The following EYA1 variants were observed in gnomAD, a reference collection of about 807,000 sequenced individuals.
EYA1 encodes protein phosphatase EYA1.
EYA1 carries 16 observed loss-of-function variants against 82.0 expected under a neutral mutation model. The observed-to-expected ratio is 0.20, with a 90% CI of 0.13 to 0.30. The LOEUF is 0.30. Among genes scored for constraint, EYA1 ranks in the 10% least tolerant of loss-of-function variants. The pLI is 1.00. For missense variants in EYA1, 633 were observed against 730.7 expected (o/e 0.87, Z 1.54); for synonymous variants, 261 against 264.4 (o/e 0.99, Z 0.12).
chr8:71,443,345 G>A (rs983130352), intron 2 of EYA1, among the ~76,000 whole-genome samples: 1 of 152,156 alleles, frequency 6.6e-6, no homozygotes, highest in African/African-American at 2.4e-5. Flanking sequence ...AGGCTGGAGC[G>A]CAGTGGCACA....
chr8:71,513,421 TAGTC>T (rs1198542761), intron 2 of EYA1, among the ~76,000 whole-genome samples: 4 of 152,134 alleles, frequency 2.6e-5, no homozygotes, highest in Non-Finnish European at 2.9e-5. Flanking sequence ...GTTTAAAAAA[TAGTC>T]TGTCTGAAAT....
At chr8:71,397,147 C>T (rs1022015801) in intron 2 of EYA1, among the ~76,000 whole-genome samples, 4 of 152,114 alleles carry the variant, frequency 2.6e-5, no homozygotes, top group African/African-American at 9.7e-5. Flanking sequence ...CTTGGTAGAT[C>T]TTTCTCCATC....
At chr8:71,230,223 G>C (rs1290484615) in intron 12 of EYA1, among the ~76,000 whole-genome samples, 1 of 151,942 alleles carries the variant, frequency 6.6e-6, no homozygotes, top group South Asian at 2.1e-4. Flanking sequence ...TCTCTACTAA[G>C]CAAACTTCCT....
intron 3 of EYA1, among the ~76,000 whole-genome samples, chr8:71,348,055 C>T (rs1825929112): frequency 6.6e-6 from 1 of 152,138 alleles, no homozygotes; most frequent in East Asian, 1.9e-4. Flanking sequence ...CAATATTTGA[C>T]AGTCACTGAC....
At chr8:71,298,720 T>C (rs1211942689) in intron 9 of EYA1, among the ~76,000 whole-genome samples, 1 of 152,228 alleles carries the variant, frequency 6.6e-6, no homozygotes, top group Non-Finnish European at 1.5e-5. Flanking sequence ...TTTTATGCTC[T>C]ATATGTGGTG....
rs535693544 is a variant in EYA1 at position 71,487,110 on chromosome 8, G to T, written c.33+48634C>A. On this transcript the variant is annotated intron_variant, in intron 2 of 18. Transcript: ENST00000643681. ...ATCTCTTCTGTTCAAAAACAAAGAGGAGTACCAGGAAACAATCTCAGAAAT... is the reference window on the plus strand; with the variant it reads ...ATCTCTTCTGTTCAAAAACAAAGAGTAGTACCAGGAAACAATCTCAGAAAT... Among the ~76,000 whole-genome samples, 4 of 151,182 alleles carry T rather than the reference G, an allele frequency of 2.6e-5. 1 individual carries two copies. The highest frequency in any genetic ancestry group is 9.7e-5 in the African/African-American group (4 of 41,112).
intron 2 of EYA1, among the ~76,000 whole-genome samples, chr8:71,434,211 T>C (rs1408973352): frequency 1.3e-5 from 2 of 152,256 alleles, no homozygotes; most frequent in Non-Finnish European, 2.9e-5. Flanking sequence ...AATAACTTTC[T>C]AGACATTATT....
At chr8:71,262,918 T>A (rs1815312850) in intron 11 of EYA1, among the ~76,000 whole-genome samples, 1 of 152,242 alleles carries the variant, frequency 6.6e-6, no homozygotes. Context: ...TTCATCCTTT[T>A]TATCTAATTT....
chr8:71,274,969 C>T lies in EYA1; in HGVS notation c.827-3072G>A, dbSNP rs796385436. Among the ~76,000 whole-genome samples the T allele has an allele frequency of 3.6e-5, 4 of 112,126 alleles. No individual in the cohort carries two copies. The East Asian group carries it at 1.6e-3, about 45-fold the overall frequency. The allele number at this position is 112,126 out of a possible 152,430, so 73.6% of individuals were successfully genotyped here. On this transcript the variant is annotated intron_variant, in intron 9 of 17. Transcript: ENST00000340726. The stretch of plus-strand genomic sequence containing the variant: ...GCAAGCGAGTGAACAAGCGCAAGCG[C>T]GTGCGAGAGCGCATGTCACATTTAA...
chr8:71,288,650 G>A (rs1299960918), intron 9 of EYA1, among the ~76,000 whole-genome samples: 2 of 152,124 alleles, frequency 1.3e-5, no homozygotes, highest in Non-Finnish European at 2.9e-5. Context: ...AATATGCTAC[G>A]TTCTAAATAT....
chr8:71,411,530 G>A (rs376117931), intron 2 of EYA1, among the ~76,000 whole-genome samples: 3 of 145,654 alleles, frequency 2.1e-5, no homozygotes, highest in South Asian at 2.2e-4. Context: ...AAACAAATTT[G>A]CAAGAAAAAA....
chr8:71,493,888 T>C (rs1025701138), intron 2 of EYA1, among the ~76,000 whole-genome samples: 2 of 146,816 alleles, frequency 1.4e-5, no homozygotes, highest in Non-Finnish European at 3.0e-5. Context: ...CCGGGCGTAG[T>C]GGCGGGCGCC....
rs1012942709 is a variant in EYA1, at chr8:71,197,849, C to A, written c.*1491G>T. ...GTTTGTTAGATGAGAGAAAATATTG[C>A]CCAGCCAAACTGACCACTTTTGGAG... On this transcript the variant is annotated 3_prime_UTR_variant, in exon 18 of 18. Transcript: ENST00000340726. The A allele has an allele frequency of 6.6e-6, 1 of 152,436 alleles. No homozygotes were observed. Among genetic ancestry groups the A allele is most frequent in the African/African-American group, 2.4e-5 (1 of 41,392 alleles). The allele number at this position is 152,436 out of a possible 1,614,324, so 9.4% of individuals were successfully genotyped here.
At chr8:71,265,458 A>C (rs4738121) in intron 11 of EYA1, among the ~76,000 whole-genome samples, 1 of 152,188 alleles carries the variant, frequency 6.6e-6, no homozygotes, top group African/African-American at 2.4e-5. Context: ...AAAATGAAAA[A>C]TGAATATCCA....
At chr8:71,456,753 A>G (rs1264339996) in intron 2 of EYA1, among the ~76,000 whole-genome samples, 5 of 152,216 alleles carry the variant, frequency 3.3e-5, no homozygotes, top group African/African-American at 1.2e-4. Flanking sequence ...TTATACAAAA[A>G]TTAATTCAAG....
intron 2 of EYA1, among the ~76,000 whole-genome samples, chr8:71,440,954 G>T (rs1806386868): frequency 6.6e-6 from 1 of 152,148 alleles, no homozygotes; most frequent in African/African-American, 2.4e-5. Flanking sequence ...ACCTAAATCT[G>T]TATGTGGGCC....
At position 71,459,221 on chromosome 8, in the gene EYA1, C is replaced by T. The variant is rs555569176; in HGVS notation, c.33+76523G>A. Among the ~76,000 whole-genome samples the T allele has an allele frequency of 5.9e-5, 9 of 152,302 alleles. 1 individual carries two copies. In the East Asian group the frequency reaches 1.7e-3, roughly 29 times the overall value. ...ATCTTTATCCATTAAGTGAAATTTG[C>T]TGGAGGAATCTCAAAAATCTTGTAG... On this transcript the variant is annotated intron_variant, in intron 2 of 18. Coordinates refer to the EYA1 transcript ENST00000643681.
At chr8:71,241,117 A>G (rs1452590557) in intron 12 of EYA1, among the ~76,000 whole-genome samples, 1 of 152,208 alleles carries the variant, frequency 6.6e-6, no homozygotes, top group Non-Finnish European at 1.5e-5. Flanking sequence ...TTGGGGGGAA[A>G]ATATTATTTC....
chr8:71,244,490 A>T, intron 12 of EYA1, 113 bp downstream of exon 12: 1 of 661,886 alleles, frequency 1.5e-6, no homozygotes, highest in Non-Finnish European at 2.7e-6. Flanking sequence ...TTACCAACAA[A>T]CCTCTGTCTC....
Sources: gnomAD v4.1 joint callset for allele counts (sites outside exome capture counted in the v4.1 genomes callset) on GRCh38, gnomAD v4.1.1 for gene constraint, MANE v1.5 for transcripts, NCBI Gene and HGNC (gene_info 2026-07-23, HGNC 2026-07-21) for gene names.